Variants in ZNF829 observed in about 807,000 individuals in gnomAD.
ZNF829 encodes the protein zinc finger protein 829.
A neutral mutation model predicts 35.2 loss-of-function variants in ZNF829; 25 were observed. That is an observed-to-expected ratio of 0.71 (90% CI 0.52 to 0.99). ZNF829 has a LOEUF of 0.99. ZNF829 is among the 50% of genes least tolerant of loss of function. ZNF829 has a pLI of 0.00. For missense variants in ZNF829, 417 were observed against 515.3 expected, an observed-to-expected ratio of 0.81 and a Z score of 1.85; for synonymous variants, 136 against 163.2, an observed-to-expected ratio of 0.83 and a Z score of 1.27.
Position 36,892,000 on chromosome 19 carries a change from C to A in ZNF829, c.791G>T (p.Gly264Val), listed in dbSNP as rs780322855. ...NLNDHQRIHT[G>V]EKPYECKVCG... The stretch of plus-strand genomic sequence containing the variant: ...TACTTTACATTCATAGGGTTTCTCA[C>A]CAGTGTGAATTCTCTGATGATCATT... The change falls in exon 6 of 6, where the codon GGT becomes GTT. Residue 264 changes from glycine to valine, a missense_variant. Transcript: ENST00000391711. The A allele has an allele frequency of 1.2e-6, 2 of 1,613,864 alleles. No individual in the cohort carries two copies. Among genetic ancestry groups the A allele is most frequent in the South Asian group, 2.2e-5 (2 of 91,064 alleles).
intron 3 of ZNF829, among the ~76,000 whole-genome samples, chr19:36,910,614 A>G (rs1157192682): frequency 6.6e-6 from 1 of 152,214 alleles, no homozygotes. Flanking sequence ...TTAGGCAAAA[A>G]TACTTTTAAG....
At chr19:36,899,931 TAGAA>T (rs1210214199) in intron 5 of ZNF829, among the ~76,000 whole-genome samples, 2 of 151,628 alleles carry the variant, frequency 1.3e-5, no homozygotes, top group African/African-American at 2.4e-5. Context: ...CATATAAAAA[TAGAA>T]AGAATGAGTA....
At chr19:36,892,585 C>G (rs1396591878) in intron 5 of ZNF829, 114 bp from the exon 6 acceptor site, 1 of 1,172,170 alleles carries the variant, frequency 8.5e-7, no homozygotes, top group Non-Finnish European at 1.2e-6. Flanking sequence ...ACACAGTTTT[C>G]AAAGGTGGAG....
chr19:36,915,916 T>A (rs1230674029), intron 1 of ZNF829, 95 bp downstream of exon 1: 2 of 1,536,078 alleles, frequency 1.3e-6, no homozygotes, highest in Admixed American at 3.9e-5. Context: ...CAGCTCCCCA[T>A]CGGTCTTCGG....
intron 5 of ZNF829, among the ~76,000 whole-genome samples, chr19:36,903,747 C>T (rs990662230): frequency 1.4e-5 from 2 of 147,766 alleles, no homozygotes; most frequent in African/African-American, 2.6e-5. Context: ...AAAAATTAGC[C>T]GGGCATGGTG....
Position 36,899,264 on chromosome 19 carries a change from AC to A in ZNF829, c.320-6794del, listed in dbSNP as rs111462486. 2.1e-4 allele frequency among the ~76,000 whole-genome samples: 31 copies of A among 150,180 alleles called. 1 individual carries two copies. Among genetic ancestry groups the A allele is most frequent in the African/African-American group, 6.1e-4 (25 of 40,838 alleles). On this transcript the variant is annotated intron_variant, in intron 5 of 5. Coordinates refer to ENST00000391711, the MANE Select transcript of ZNF829 (RefSeq NM_001037232.4). The stretch of plus-strand genomic sequence containing the variant: ...AGACCAGCCTGGGGAACATAGGGAG[AC>A]CCCCCCCGATCTCTATAAACAGTTT...
At chr19:36,898,666 A>G (rs971730490) in intron 5 of ZNF829, among the ~76,000 whole-genome samples, 5 of 152,210 alleles carry the variant, frequency 3.3e-5, no homozygotes, top group African/African-American at 7.2e-5. Flanking sequence ...CCCAAAGACC[A>G]ATGGAACAGA....
rs1013880372 is a variant in ZNF829, at chr19:36,916,155, A to G, written c.-229T>C. 8 of 532,452 alleles carry G rather than the reference A, an allele frequency of 1.5e-5. No individual in the cohort carries two copies. The African/African-American group carries it at 1.6e-4, about 10-fold the overall frequency. 33.0% of individuals were successfully genotyped at this position (532,452 alleles called of 1,614,324 possible). A position where few individuals can be genotyped will look rare whatever the true frequency, so the allele number is the denominator to read the frequency against. ...TCAGCTCCTCGCCTGGGCCCACCCG[A>G]AACGGCTGCTCCCTCAACTCTCAAC... On this transcript the variant is annotated 5_prime_UTR_variant, in exon 1 of 6. Transcript: ENST00000391711. The surrounding 1 kb of genome is among the most constrained non-coding windows in gnomAD (Gnocchi z 5.3).
At chr19:36,902,807 G>A (rs547489278) in intron 5 of ZNF829, among the ~76,000 whole-genome samples, 137 of 152,178 alleles carry the variant, frequency 9.0e-4, no homozygotes, top group African/African-American at 3.1e-3. Flanking sequence ...AGGCCAAGGC[G>A]GGTGGATTAC....
In ZNF829 at chr19:36,892,470, A is replaced by T. The variant is rs2073067051; in HGVS notation, c.321T>A (p.Asp107Glu). Residue 107 changes from aspartate to glutamate, a missense_variant and splice_region_variant, in exon 6 of 6, where the codon GAT becomes GAA. Coordinates refer to ENST00000391711, the MANE Select transcript of ZNF829 (RefSeq NM_001037232.4). Reference sequence around the variant, plus strand: ...TTTTGGTCTCACACATTGATTCCAGATCTGAAAGAAAATACAAAGGCAAAT... The same window carrying T: ...TTTTGGTCTCACACATTGATTCCAGTTCTGAAAGAAAATACAAAGGCAAAT... ...DRELTRGLCS[D>E]LESMCETKIL... The T allele has an allele frequency of 6.4e-7, 1 of 1,562,034 alleles. No individual in the cohort carries two copies. Among genetic ancestry groups the T allele is most frequent in the East Asian group, 2.2e-5 (1 of 44,446 alleles).
intron 3 of ZNF829, chr19:36,913,036 C>T (rs1436165832): frequency 2.0e-5 from 3 of 152,120 alleles, no homozygotes; most frequent in Non-Finnish European, 2.9e-5. Context: ...CAGTATACTA[C>T]ATGTCCCTAG....
Position 36,891,646 on chromosome 19 carries a change from C to T in ZNF829, c.1145G>A (p.Cys382Tyr), listed in dbSNP as rs759428106. The change falls in exon 6 of 6, where the codon TGT (cysteine) becomes TAT (tyrosine). Residue 382 changes from cysteine to tyrosine, a missense_variant. By Grantham distance (194) the Cys-to-Tyr change is radical. Coordinates refer to ENST00000391711, the MANE Select transcript of ZNF829 (RefSeq NM_001037232.4). ...RIHTDEKPYE[C>Y]NECGKAFNKG... ...ATTAAAGGCCTTCCCACATTCATTA[C>T]ATTCATATGGTTTTTCATCTGTATG... 6.2e-7 allele frequency: 1 copy of T among 1,613,290 alleles called. No homozygotes were observed. Among genetic ancestry groups the T allele is most frequent in the Admixed American group, 1.7e-5 (1 of 59,878 alleles).
At chr19:36,909,134 T>G (rs1261549762) in intron 3 of ZNF829, among the ~76,000 whole-genome samples, 2 of 152,152 alleles carry the variant, frequency 1.3e-5, no homozygotes, top group Non-Finnish European at 2.9e-5. Context: ...ATGAAAATGG[T>G]GATGAAAGTG....
At chr19:36,906,544 C>T (rs1409216748) in intron 5 of ZNF829, 1 of 152,134 alleles carries the variant, frequency 6.6e-6, no homozygotes, top group Admixed American at 6.5e-5. Context: ...AGTAGAACTG[C>T]AAATTGGTAT....
rs758917124 is a variant in ZNF829 at position 36,891,719 on chromosome 19, T to C, written c.1072A>G (p.Arg358Gly). 3.1e-6 allele frequency: 5 copies of C among 1,614,136 alleles called. No homozygotes were observed. In the East Asian group the frequency reaches 1.1e-4, roughly 36 times the overall value. The part of the protein sequence containing the change: ...GEKLYECEEC[R>G]KAFIQSSELI... Reference sequence around the variant, plus strand: ...TCTGAGCTCTGAATAAAGGCCTTTCTACATTCTTCACATTCATAGAGCTTC... The same window carrying C: ...TCTGAGCTCTGAATAAAGGCCTTTCCACATTCTTCACATTCATAGAGCTTC... The change falls in exon 6 of 6, where the codon AGA (arginine) becomes GGA (glycine). Residue 358 changes from arginine (R) to glycine (G), a missense_variant. Arg to Gly is a moderately radical substitution (Grantham distance 125). Transcript: ENST00000391711.
At chr19:36,899,010 G>T (rs146974543) in intron 5 of ZNF829, among the ~76,000 whole-genome samples, 1 of 152,192 alleles carries the variant, frequency 6.6e-6, no homozygotes, top group Non-Finnish European at 1.5e-5. Flanking sequence ...AGACAAATTG[G>T]ACTATATTGA....
At chr19:36,903,534 T>G (rs781770168) in intron 5 of ZNF829, among the ~76,000 whole-genome samples, 1 of 152,212 alleles carries the variant, frequency 6.6e-6, no homozygotes, top group Non-Finnish European at 1.5e-5. Flanking sequence ...CTTTATAATT[T>G]GAGTAGTTGA....
In ZNF829 at chr19:36,915,270, A is replaced by G. The variant is rs1265398656; in HGVS notation, c.-84-19T>C. On this transcript the variant is annotated intron_variant, in intron 1 of 5. Coordinates refer to ENST00000391711, the MANE Select transcript of ZNF829 (RefSeq NM_001037232.4). ...AGGTTTCCTAGAGACAGAGTTCTGG[A>G]GTCACAATCGCATAGTTGACAGGAC... 1 of 1,599,242 alleles carries G rather than the reference A, an allele frequency of 6.3e-7. No homozygotes were observed. The highest frequency in any genetic ancestry group is 1.1e-5 in the South Asian group (1 of 89,194).
chr19:36,891,589 A>C lies in ZNF829; in HGVS notation c.1202T>G (p.Ile401Ser), dbSNP rs1240651066. Residue 401 changes from isoleucine (I) to serine (S), a missense_variant, in exon 6 of 6, where the codon ATT (isoleucine) becomes AGT (serine). Transcript: ENST00000391711. ...GTCATAGGGTTTCTCACCAGTGTGA[A>C]TTCTCTGATGTCGAGTAAGATTTGA... ...KGSNLTRHQR[I>S]HTGEKPYDCK... 2 of 1,613,606 alleles carry C rather than the reference A, an allele frequency of 1.2e-6. No homozygotes were observed. Among genetic ancestry groups the C allele is most frequent in the Non-Finnish European group, 1.7e-6 (2 of 1,179,850 alleles).
Sources: allele counts gnomAD v4.1 joint callset (sites outside exome capture counted in the v4.1 genomes callset), GRCh38; gene constraint gnomAD v4.1.1; non-coding constraint Gnocchi (gnomAD v3.1); transcripts MANE v1.5; gene names NCBI Gene and HGNC (gene_info 2026-07-23, HGNC 2026-07-21).